PBRM1: variants seen among roughly 807,000 people sequenced by gnomAD.
PBRM1 encodes the protein polybromo 1, also known as protein polybromo-1.
A neutral mutation model predicts 194.5 loss-of-function variants in PBRM1; 27 were observed. The ratio of observed to expected loss-of-function variants is 0.14; its 90% CI spans 0.10 to 0.19. The LOEUF (loss-of-function observed/expected upper bound fraction) is 0.19, where lower values mean the gene tolerates loss of function less well. PBRM1 is among the 10% of genes least tolerant of loss of function. The pLI, the probability that PBRM1 is intolerant of heterozygous loss-of-function variation, is 1.00. For synonymous variants in PBRM1, 655 were observed against 693.2 expected (o/e 0.94, Z 0.87); for missense variants, 1,466 against 2,077.2 (o/e 0.71, Z 5.72).
chr3:52,681,837 A>G, upstream of PBRM1: 1 of 348,946 alleles, frequency 2.9e-6, no homozygotes, highest in Non-Finnish European at 4.2e-6. Flanking sequence ...AAGAAGAACA[A>G]GGCAGAGAAG....
At chr3:52,596,379 A>G (rs1270862332) in intron 17 of PBRM1, among the ~76,000 whole-genome samples, 1 of 138,500 alleles carries the variant, frequency 7.2e-6, no homozygotes, top group Non-Finnish European at 1.5e-5. Context: ...CGGAGGTTGC[A>G]GTGAGTCGAG....
Position 52,591,511 on chromosome 3 carries a change from G to GTTTTTTTTTTTT in PBRM1, c.2780-2268_2780-2257dup, listed in dbSNP as rs57736913. On this transcript the variant is annotated intron_variant, in intron 17 of 29. Coordinates refer to ENST00000296302, the Ensembl canonical transcript of PBRM1. ...TTGAGATAATGTAGTTTTTGTCTTT[G>GTTTTTTTTTTTT]TTTTTTTTTTTTTTTTTTTTTTTTT... is the stretch of plus-strand genomic sequence containing the variant. Among the ~76,000 whole-genome samples the GTTTTTTTTTTTT allele has an allele frequency of 7.9e-3, 570 of 71,850 alleles. 1 individual carries two copies. Among genetic ancestry groups the GTTTTTTTTTTTT allele is most frequent in the Middle Eastern group, 0.016 (1 of 62 alleles). The allele number at this position is 71,850 out of a possible 152,430, so 47.1% of individuals were successfully genotyped here. A position where few individuals can be genotyped will look rare whatever the true frequency, so the allele number is the denominator to read the frequency against.
intron 17 of PBRM1, among the ~76,000 whole-genome samples, chr3:52,590,261 C>T (rs565027885): frequency 6.6e-6 from 1 of 151,986 alleles, no homozygotes; most frequent in Admixed American, 6.5e-5. Flanking sequence ...TCAAGGCCAG[C>T]CTGGCCAACA....
At chr3:52,599,843 AT>A (rs1027723716) in intron 17 of PBRM1, among the ~76,000 whole-genome samples, 7 of 150,322 alleles carry the variant, frequency 4.7e-5, no homozygotes, top group Admixed American at 3.3e-4. Context: ...AAAAAAAAAA[AT>A]TTTTTTTTAC....
At chr3:52,620,147 T>C (rs886897609) in intron 13 of PBRM1, among the ~76,000 whole-genome samples, 1 of 152,172 alleles carries the variant, frequency 6.6e-6, no homozygotes, top group Non-Finnish European at 1.5e-5. Context: ...CTTCGGCAAG[T>C]GGATAATACA....
At chr3:52,566,506 C>A (rs1350955719) in intron 22 of PBRM1, among the ~76,000 whole-genome samples, 1 of 152,010 alleles carries the variant, frequency 6.6e-6, no homozygotes, top group African/African-American at 2.4e-5. Context: ...ATATATGATA[C>A]AACATGGATG....
At chr3:52,564,009 A>T (rs2153522147) in intron 23 of PBRM1, 41 bp downstream of exon 25, 1 of 1,365,946 alleles carries the variant, frequency 7.3e-7, no homozygotes, top group Non-Finnish European at 1.0e-6. Context: ...GCTATCAGTT[A>T]ATGGAAGTGC....
intron 26 of PBRM1, among the ~76,000 whole-genome samples, chr3:52,556,763 A>G (rs2082300234): frequency 6.6e-6 from 1 of 152,146 alleles, no homozygotes; most frequent in Non-Finnish European, 1.5e-5. Context: ...TGAGGACCAA[A>G]GAGTGGTTAC....
exon 20 of PBRM1, chr3:52,586,659 G>T (rs187978633): frequency 6.4e-7 from 1 of 1,564,832 alleles, no homozygotes; most frequent in Non-Finnish European, 8.7e-7. Context: ...CCTCATCTCG[G>T]AAGTTTTCTG....
chr3:52,588,331 C>T (rs2092655280), intron 18 of PBRM1, among the ~76,000 whole-genome samples: 1 of 152,146 alleles, frequency 6.6e-6, no homozygotes, highest in African/African-American at 2.4e-5. Context: ...TTCTAGAAAG[C>T]CTTTTTGAAA....
At chr3:52,622,938 G>GTTAAA (rs2095330282) in intron 13 of PBRM1, among the ~76,000 whole-genome samples, 1 of 152,082 alleles carries the variant, frequency 6.6e-6, no homozygotes, top group Non-Finnish European at 1.5e-5. Flanking sequence ...TCTACCAAAT[G>GTTAAA]TTAAACACTA....
chr3:52,580,064 G>C (rs746640397), intron 20 of PBRM1, among the ~76,000 whole-genome samples: 1 of 152,146 alleles, frequency 6.6e-6, no homozygotes, highest in Non-Finnish European at 1.5e-5. Flanking sequence ...AATACAGTGA[G>C]ATCTCATTTC....
At chr3:52,622,795 C>A (rs550930056) in intron 13 of PBRM1, among the ~76,000 whole-genome samples, 1 of 152,166 alleles carries the variant, frequency 6.6e-6, no homozygotes, top group South Asian at 2.1e-4. Context: ...TACTTTGTGG[C>A]TGACCACTTT....
chr3:52,677,497 C>T (rs1316956710), intron 2 of PBRM1, among the ~76,000 whole-genome samples: 1 of 149,980 alleles, frequency 6.7e-6, no homozygotes, highest in Non-Finnish European at 1.5e-5. Context: ...ACTGCAACCT[C>T]CACCTCCCGG....
chr3:52,589,931 C>T (rs2092850822), intron 17 of PBRM1, among the ~76,000 whole-genome samples: 2 of 151,984 alleles, frequency 1.3e-5, no homozygotes, highest in African/African-American at 4.8e-5. Flanking sequence ...CAGGTTCAAG[C>T]AATTCTCCTG....
At chr3:52,659,011 C>T (rs2096663947) in intron 4 of PBRM1, among the ~76,000 whole-genome samples, 1 of 151,876 alleles carries the variant, frequency 6.6e-6, no homozygotes, top group South Asian at 2.1e-4. Context: ...ACAATGACTA[C>T]TTACAGGACA....
chr3:52,554,678 G>C, intron 27 of PBRM1, 46 bp downstream of exon 29: 1 of 1,473,784 alleles, frequency 6.8e-7, no homozygotes, highest in Non-Finnish European at 9.0e-7. Context: ...CGGAAAAAGA[G>C]AATATGAAGA....
At chr3:52,563,262 A>G (rs1002517533) in intron 24 of PBRM1, 21 bp downstream of exon 26, 1 of 1,593,988 alleles carries the variant, frequency 6.3e-7, no homozygotes. Flanking sequence ...AAGATAAGTA[A>G]CAGGAACCTG....
chr3:52,610,411 C>T (rs2094547793), intron 15 of PBRM1, among the ~76,000 whole-genome samples: 1 of 152,204 alleles, frequency 6.6e-6, no homozygotes, highest in South Asian at 2.1e-4. Context: ...AATTTCCTAG[C>T]TCTGTCCACT....
Sources: allele counts gnomAD v4.1 joint callset (sites outside exome capture counted in the v4.1 genomes callset), GRCh38; gene constraint gnomAD v4.1.1; transcripts MANE v1.5; gene names NCBI Gene and HGNC (gene_info 2026-07-23, HGNC 2026-07-21).